The following ASH1L variants were observed in gnomAD, a reference collection of about 807,000 sequenced individuals.
ASH1L encodes the protein ASH1 like histone lysine methyltransferase, also known as histone-lysine N-methyltransferase ASH1L.
ASH1L carries 23 observed loss-of-function variants against 269.0 expected under a neutral mutation model. That is an observed-to-expected ratio of 0.09 (90% CI 0.06 to 0.12). The LOEUF (loss-of-function observed/expected upper bound fraction) is 0.12, where lower values mean the gene tolerates loss of function less well. ASH1L is among the 10% of genes least tolerant of loss of function. The pLI, the probability that ASH1L is intolerant of heterozygous loss-of-function variation, is 1.00. For synonymous variants in ASH1L, 1,187 were observed against 1,253.5 expected, an observed-to-expected ratio of 0.95 and a Z score of 1.12; for missense variants, 2,912 against 3,567.8, an observed-to-expected ratio of 0.82 and a Z score of 4.68.
At chr1:155,477,034 A>C (rs1410940644) in intron 3 of ASH1L, among the ~76,000 whole-genome samples, 2 of 152,184 alleles carry the variant, frequency 1.3e-5, no homozygotes, top group African/African-American at 2.4e-5. Context: ...ATTATCACTA[A>C]AAAAGATGCA....
chr1:155,474,614 T>C (rs1341070938), intron 3 of ASH1L, among the ~76,000 whole-genome samples: 1 of 151,806 alleles, frequency 6.6e-6, no homozygotes, highest in Non-Finnish European at 1.5e-5. Context: ...GGCTGGAAAA[T>C]GGCTTGAGCC....
intron 2 of ASH1L, among the ~76,000 whole-genome samples, chr1:155,487,433 A>G (rs946347216): frequency 1.3e-5 from 2 of 152,116 alleles, no homozygotes; most frequent in African/African-American, 4.8e-5. Flanking sequence ...GCTGGAGTGC[A>G]GTGACCTGAT....
At chr1:155,375,187 A>G (rs534208822) in intron 10 of ASH1L, among the ~76,000 whole-genome samples, 1 of 152,316 alleles carries the variant, frequency 6.6e-6, no homozygotes, top group South Asian at 2.1e-4. Context: ...ACCCTGAAGT[A>G]TAAATAAAAG....
intron 1 of ASH1L, among the ~76,000 whole-genome samples, chr1:155,528,460 T>C (rs1669425775): frequency 6.6e-6 from 1 of 151,250 alleles, no homozygotes; most frequent in Admixed American, 6.6e-5. Flanking sequence ...AAGAAAGAGG[T>C]TTATTTAAAG....
intron 1 of ASH1L, among the ~76,000 whole-genome samples, chr1:155,556,401 C>T (rs1274525601): frequency 2.2e-4 from 31 of 140,566 alleles, no homozygotes; most frequent in African/African-American, 7.9e-4. Flanking sequence ...CATATATATA[C>T]GTGTGTGTGT....
At chr1:155,524,161 T>C (rs1669073645) in intron 1 of ASH1L, among the ~76,000 whole-genome samples, 1 of 152,180 alleles carries the variant, frequency 6.6e-6, no homozygotes, top group African/African-American at 2.4e-5. Flanking sequence ...CAGTTTTCTT[T>C]ACTGTCCCTA....
At chr1:155,445,818 T>A (rs1412955832) in intron 4 of ASH1L, among the ~76,000 whole-genome samples, 1 of 152,120 alleles carries the variant, frequency 6.6e-6, no homozygotes, top group African/African-American at 2.4e-5. Flanking sequence ...TGTATTTTTT[T>A]AATTTTTTGT....
At chr1:155,543,177 T>C (rs1670555387) in intron 1 of ASH1L, among the ~76,000 whole-genome samples, 1 of 152,038 alleles carries the variant, frequency 6.6e-6, no homozygotes, top group Non-Finnish European at 1.5e-5. Context: ...AAATATGGAT[T>C]AGTGGCAGTC....
intron 6 of ASH1L, among the ~76,000 whole-genome samples, chr1:155,406,772 G>A (rs1189335229): frequency 1.3e-5 from 2 of 151,966 alleles, no homozygotes; most frequent in Non-Finnish European, 2.9e-5. Context: ...ATTATTACTG[G>A]CATAACAATA....
chr1:155,497,748 A>ATTTT (rs200209564), intron 2 of ASH1L, among the ~76,000 whole-genome samples: 1 of 150,176 alleles, frequency 6.7e-6, no homozygotes, highest in African/African-American at 2.5e-5. Context: ...AAAGAAGAAA[A>ATTTT]TTCTTTTTTT....
chr1:155,370,373 G>A, intron 12 of ASH1L, 131 bp downstream of exon 12: 1 of 1,117,058 alleles, frequency 9.0e-7, no homozygotes, highest in Non-Finnish European at 1.3e-6. Context: ...CTCTGCCCGT[G>A]GGATCTGGGG....
At chr1:155,449,489 C>G (rs78406270) in intron 4 of ASH1L, among the ~76,000 whole-genome samples, 24 of 151,432 alleles carry the variant, frequency 1.6e-4, no homozygotes, top group African/African-American at 5.6e-4. Context: ...TAATTCCACA[C>G]GCACTTCAAA....
chr1:155,527,067 G>C (rs1669311628), intron 1 of ASH1L, among the ~76,000 whole-genome samples: 1 of 152,118 alleles, frequency 6.6e-6, no homozygotes. Context: ...AATTAGCCAG[G>C]TGTGGTGGCG....
At chr1:155,344,378 C>A in intron 21 of ASH1L, 105 bp from the exon 22 acceptor site, 2 of 799,820 alleles carry the variant, frequency 2.5e-6, no homozygotes, top group Non-Finnish European at 4.1e-6. Context: ...TTAGTCATTT[C>A]AATATACCAC....
chr1:155,530,400 T>A (rs559051942), intron 1 of ASH1L, among the ~76,000 whole-genome samples: 1 of 152,212 alleles, frequency 6.6e-6, no homozygotes, highest in Admixed American at 6.5e-5. Context: ...ATTCCCTGAC[T>A]TATGTGGGTT....
intron 14 of ASH1L, 46 bp downstream of exon 14, chr1:155,357,539 C>A: frequency 6.2e-7 from 1 of 1,610,026 alleles, no homozygotes; most frequent in Non-Finnish European, 8.5e-7. Context: ...TGCCTCAAAG[C>A]ATCTCATGAA....
intron 1 of ASH1L, among the ~76,000 whole-genome samples, chr1:155,542,707 T>C (rs1406336252): frequency 1.4e-5 from 2 of 143,144 alleles, no homozygotes; most frequent in Admixed American, 1.4e-4. Context: ...TGAGAAGGAG[T>C]CTCATTCTGT....
At chr1:155,497,888 T>G (rs920769918) in intron 2 of ASH1L, among the ~76,000 whole-genome samples, 5 of 152,074 alleles carry the variant, frequency 3.3e-5, no homozygotes, top group Non-Finnish European at 5.9e-5. Flanking sequence ...TAGCTGGGAC[T>G]ACAGGCGCCT....
At chr1:155,405,056 A>T (rs1181952441) in intron 6 of ASH1L, among the ~76,000 whole-genome samples, 3 of 151,648 alleles carry the variant, frequency 2.0e-5, no homozygotes, top group African/African-American at 4.8e-5. Context: ...GAATAAAAAT[A>T]AAAAAATAAA....
Sources: allele counts gnomAD v4.1 joint callset (sites outside exome capture counted in the v4.1 genomes callset), GRCh38; gene constraint gnomAD v4.1.1; transcripts MANE v1.5; gene names NCBI Gene and HGNC (gene_info 2026-07-23, HGNC 2026-07-21).